Variants in MBOAT1 observed in about 807,000 individuals in gnomAD.
The protein encoded by MBOAT1 is membrane-bound glycerophospholipid O-acyltransferase 1.
Under a neutral mutation model 64.4 loss-of-function variants are expected in MBOAT1, and 67 were observed. That is an observed-to-expected ratio of 1.04 (90% CI 0.85 to 1.27). MBOAT1 has a LOEUF of 1.27. Among genes scored for constraint, MBOAT1 ranks in the 50% most tolerant of loss-of-function variants. The pLI, the probability that MBOAT1 is intolerant of heterozygous loss-of-function variation, is 0.00. For missense variants in MBOAT1, 563 were observed against 604.6 expected, an observed-to-expected ratio of 0.93 and a Z score of 0.72; for synonymous variants, 229 against 218.9, an observed-to-expected ratio of 1.05 and a Z score of -0.41.
chr6:20,158,408 T>C (rs1204886772), intron 1 of MBOAT1, among the ~76,000 whole-genome samples: 2 of 152,168 alleles, frequency 1.3e-5, no homozygotes, highest in African/African-American at 4.8e-5. Flanking sequence ...TCTCATCCCT[T>C]ATACAAGAAT....
At chr6:20,178,581 T>C (rs1762421113) in intron 1 of MBOAT1, among the ~76,000 whole-genome samples, 1 of 152,214 alleles carries the variant, frequency 6.6e-6, no homozygotes, top group African/African-American at 2.4e-5. Context: ...TATCAAACGC[T>C]AATCCCTGGA....
intron 1 of MBOAT1, among the ~76,000 whole-genome samples, chr6:20,180,678 T>C (rs578242226): frequency 1.3e-5 from 2 of 152,342 alleles, no homozygotes; most frequent in African/African-American, 4.8e-5. Context: ...CTCATGAGAA[T>C]TGCTGGACTT....
At chr6:20,210,930 C>A (rs1252562474) in intron 1 of MBOAT1, among the ~76,000 whole-genome samples, 1 of 147,290 alleles carries the variant, frequency 6.8e-6, no homozygotes, top group Non-Finnish European at 1.5e-5. Context: ...CTATTATGTC[C>A]GCCTCTGCCT....
In MBOAT1 at chr6:20,124,744, C is replaced by T. The variant is rs956812933; in HGVS notation, c.715-144G>A. The stretch of plus-strand genomic sequence containing the variant: ...GAAGGAGTGACAACAGGCATTCTTC[C>T]TCATGAGACAAATCTGACAATGGAG... On this transcript the variant is annotated intron_variant, in intron 7 of 12. Transcript: ENST00000324607. 4.8e-5 allele frequency: 33 copies of T among 681,816 alleles called. No homozygotes were observed. In the African/African-American group the frequency reaches 6.0e-4, roughly 12 times the overall value. 42.2% of individuals were successfully genotyped at this position (681,816 alleles called of 1,614,324 possible). A position where few individuals can be genotyped will look rare whatever the true frequency, so the allele number is the denominator to read the frequency against.
intron 1 of MBOAT1, among the ~76,000 whole-genome samples, chr6:20,166,774 T>A (rs1322624285): frequency 1.3e-5 from 2 of 151,848 alleles, no homozygotes; most frequent in East Asian, 1.9e-4. Flanking sequence ...CTCATCTCCA[T>A]GAAAAATTTA....
chr6:20,113,212 A>G (rs1190444727), intron 10 of MBOAT1, among the ~76,000 whole-genome samples: 1 of 152,194 alleles, frequency 6.6e-6, no homozygotes, highest in Non-Finnish European at 1.5e-5. Context: ...TAGGCAATTC[A>G]CAGTTCAGCC....
intron 6 of MBOAT1, 103 bp downstream of exon 6, chr6:20,128,596 A>G: frequency 1.3e-6 from 1 of 770,466 alleles, no homozygotes; most frequent in East Asian, 2.9e-5. Flanking sequence ...AAATGATATT[A>G]TATCCATAGA....
At chr6:20,107,808 A>T (rs1204054603) in intron 12 of MBOAT1, among the ~76,000 whole-genome samples, 2 of 151,708 alleles carry the variant, frequency 1.3e-5, no homozygotes, top group African/African-American at 4.9e-5. Context: ...AAAAAAAAGC[A>T]TGTTAGAAAT....
At chr6:20,162,075 G>A (rs902920350) in intron 1 of MBOAT1, among the ~76,000 whole-genome samples, 1 of 152,108 alleles carries the variant, frequency 6.6e-6, no homozygotes, top group Non-Finnish European at 1.5e-5. Flanking sequence ...TACCGGTCAT[G>A]TTGGATTAGG....
chr6:20,174,237 C>A (rs374060569), intron 1 of MBOAT1, among the ~76,000 whole-genome samples: 1 of 152,150 alleles, frequency 6.6e-6, no homozygotes, highest in African/African-American at 2.4e-5. Flanking sequence ...TACAATCCTG[C>A]GTCGCTTAAC....
chr6:20,128,682 C>T lies in MBOAT1; in HGVS notation c.530+17G>A, dbSNP rs749864976. 1.1e-5 allele frequency: 18 copies of T among 1,599,240 alleles called. No homozygotes were observed. In the Admixed American group the frequency reaches 1.2e-4, roughly 11 times the overall value. On this transcript the variant is annotated intron_variant, in intron 6 of 12. Transcript: ENST00000324607. The stretch of plus-strand genomic sequence containing the variant: ...ATATGCAAAGGGCTTGTTAATATAT[C>T]GTTACACTTCACTTACTTGATAGCA...
intron 11 of MBOAT1, among the ~76,000 whole-genome samples, chr6:20,111,866 ATACATATATATATG>A (rs1561746366): frequency 1.4e-5 from 2 of 138,646 alleles, no homozygotes; most frequent in African/African-American, 5.6e-5. Flanking sequence ...ATACATATAT[ATACATATATATATG>A]TATATATATA....
At chr6:20,201,415 G>A (rs1052600046) in intron 1 of MBOAT1, among the ~76,000 whole-genome samples, 3 of 152,100 alleles carry the variant, frequency 2.0e-5, no homozygotes, top group African/African-American at 7.2e-5. Flanking sequence ...AAAAGATTCT[G>A]GGCATATGTA....
intron 1 of MBOAT1, among the ~76,000 whole-genome samples, chr6:20,183,708 C>A (rs1344116147): frequency 6.6e-6 from 1 of 152,222 alleles, no homozygotes; most frequent in Non-Finnish European, 1.5e-5. Flanking sequence ...TTGCTTCTGG[C>A]AAAACCCTGC....
intron 1 of MBOAT1, among the ~76,000 whole-genome samples, chr6:20,207,056 T>A (rs1213455401): frequency 1.3e-5 from 2 of 152,230 alleles, no homozygotes; most frequent in Non-Finnish European, 1.5e-5. Context: ...TTCACTTTTG[T>A]TTCTGAAAGG....
chr6:20,165,884 T>C lies in MBOAT1; in HGVS notation c.100-13115A>G, dbSNP rs985310409. Among the ~76,000 whole-genome samples, 19 of 152,130 alleles carry C rather than the reference T, an allele frequency of 1.2e-4. 1 individual carries two copies. Among genetic ancestry groups the C allele is most frequent in the Non-Finnish European group, 2.8e-4 (19 of 68,030 alleles). The stretch of plus-strand genomic sequence containing the variant: ...GGTCCTTCCAGGCATCTAGGAGAAC[T>C]ACATACAAATGAAGTCCATTAAAAG... On this transcript the variant is annotated intron_variant, in intron 1 of 12. Transcript: ENST00000324607.
chr6:20,131,245 G>T (rs558169489), intron 4 of MBOAT1, 46 bp from the exon 5 acceptor site: 6 of 1,547,430 alleles, frequency 3.9e-6, no homozygotes, highest in South Asian at 1.1e-5. Context: ...GAAGGCCATT[G>T]ATGTGGTCTG....
In MBOAT1 at chr6:20,102,250, T is replaced by C. The variant is rs1561741962; in HGVS notation, c.*36A>G. ...CCTTGTCATCTCATCTTTCGAACGTTCTGCAGTTTTGCTTGTTCCGCTTCT... is the reference window on the plus strand; with the variant it reads ...CCTTGTCATCTCATCTTTCGAACGTCCTGCAGTTTTGCTTGTTCCGCTTCT... On this transcript the variant is annotated 3_prime_UTR_variant, in exon 13 of 13. Coordinates refer to ENST00000324607, the MANE Select transcript of MBOAT1 (RefSeq NM_001080480.3). 3 of 1,604,930 alleles carry C rather than the reference T, an allele frequency of 1.9e-6. No individual in the cohort carries two copies. The highest frequency in any genetic ancestry group is 2.6e-6 in the Non-Finnish European group (3 of 1,175,692).
intron 4 of MBOAT1, among the ~76,000 whole-genome samples, chr6:20,136,844 T>C (rs1461805562): frequency 1.3e-5 from 2 of 152,246 alleles, no homozygotes; most frequent in African/African-American, 4.8e-5. Flanking sequence ...CCAATACTGC[T>C]TTCGCATTTT....
Sources: allele counts gnomAD v4.1 joint callset (sites outside exome capture counted in the v4.1 genomes callset), GRCh38; gene constraint gnomAD v4.1.1; transcripts MANE v1.5; gene names NCBI Gene and HGNC (gene_info 2026-07-23, HGNC 2026-07-21).